Variants in RHOT1 observed in about 807,000 individuals in gnomAD.
RHOT1 encodes the protein ras homolog family member T1.
RHOT1 carries 27 observed loss-of-function variants against 95.3 expected under a neutral mutation model. The ratio of observed to expected loss-of-function variants is 0.28; its 90% CI spans 0.21 to 0.39. The LOEUF (loss-of-function observed/expected upper bound fraction) is 0.39, where lower values mean the gene tolerates loss of function less well. RHOT1 is among the 10% of genes least tolerant of loss of function. The pLI, the probability that RHOT1 is intolerant of heterozygous loss-of-function variation, is 1.00. For synonymous variants in RHOT1, 227 were observed against 263.5 expected, an observed-to-expected ratio of 0.86 and a Z score of 1.34; for missense variants, 578 against 786.7, an observed-to-expected ratio of 0.73 and a Z score of 3.17.
chr17:32,188,432 T>C (rs2036220537), intron 8 of RHOT1, among the ~76,000 whole-genome samples: 1 of 152,236 alleles, frequency 6.6e-6, no homozygotes, highest in Non-Finnish European at 1.5e-5. Flanking sequence ...TCAAATATAA[T>C]TTTATAAATA....
At chr17:32,201,166 C>T (rs775941740) in intron 14 of RHOT1, 110 bp downstream of exon 14, 2 of 598,044 alleles carry the variant, frequency 3.3e-6, no homozygotes, top group Non-Finnish European at 5.7e-6. Context: ...CTTCCATCTA[C>T]ACTCTATTAG....
At position 32,199,567 on chromosome 17, in the gene RHOT1, C is replaced by T. The variant is rs1211515900; in HGVS notation, c.1100+17C>T. ...CCAGTGGACGTGAGTATAGAGCTCA[C>T]CTCTTTCCTCTAGAGTTACAAATAG... On this transcript the variant is annotated intron_variant, in intron 13 of 19. Coordinates refer to ENST00000545287, the MANE Select transcript of RHOT1 (RefSeq NM_001033566.3). The T allele has an allele frequency of 1.3e-6, 2 of 1,568,522 alleles. No homozygotes were observed. The highest frequency in any genetic ancestry group is 1.7e-6 in the Non-Finnish European group (2 of 1,163,744).
At chr17:32,144,184 A>G (rs55958206) in intron 1 of RHOT1, among the ~76,000 whole-genome samples, 154 of 152,296 alleles carry the variant, frequency 1.0e-3, no homozygotes, top group African/African-American at 3.7e-3. Context: ...ATCCTTAAAT[A>G]TATGATGAAA....
chr17:32,200,930 A>G, intron 13 of RHOT1, 26 bp from the exon 14 acceptor site: 1 of 1,539,790 alleles, frequency 6.5e-7, no homozygotes, highest in Non-Finnish European at 9.0e-7. Flanking sequence ...GGAACTTTTC[A>G]CATTTTAAAC....
chr17:32,194,478 C>T (rs191035421), intron 11 of RHOT1, among the ~76,000 whole-genome samples: 12 of 152,200 alleles, frequency 7.9e-5, no homozygotes, highest in Admixed American at 6.5e-4. Flanking sequence ...TTACCACATC[C>T]GTAGATGTCA....
Position 32,224,742 on chromosome 17 carries a change from G to T in RHOT1, c.*9G>T, listed in dbSNP as rs1243065755. 6.5e-7 allele frequency: 1 copy of T among 1,533,754 alleles called. No individual in the cohort carries two copies. The highest frequency in any genetic ancestry group is 1.7e-5 in the Admixed American group (1 of 59,410). ...TATTGAAACAGCGATGATATAAAAA[G>T]AAATACTGTCCCTACCAAAAACAAA... On this transcript the variant is annotated 3_prime_UTR_variant, in exon 20 of 20. Transcript: ENST00000545287.
At chr17:32,191,665 T>A (rs1199734845) in intron 8 of RHOT1, among the ~76,000 whole-genome samples, 1 of 152,232 alleles carries the variant, frequency 6.6e-6, no homozygotes, top group East Asian at 1.9e-4. Context: ...ATTCTTATAC[T>A]AGGAAGTTAG....
intron 1 of RHOT1, among the ~76,000 whole-genome samples, chr17:32,154,585 T>TA (rs2032729454): frequency 1.2e-5 from 1 of 83,870 alleles, no homozygotes; most frequent in African/African-American, 5.1e-5. Context: ...AGGCTCCATC[T>TA]CAAAAAAAAA....
At chr17:32,187,217 G>T (rs746754760) in intron 8 of RHOT1, among the ~76,000 whole-genome samples, 51 of 152,112 alleles carry the variant, frequency 3.4e-4, no homozygotes, top group Non-Finnish European at 6.8e-4. Flanking sequence ...AATCTGGGAG[G>T]TGGAGGTTGC....
intron 1 of RHOT1, among the ~76,000 whole-genome samples, chr17:32,153,902 T>C (rs2032620584): frequency 1.3e-5 from 2 of 152,148 alleles, no homozygotes; most frequent in Admixed American, 1.3e-4. Context: ...TTACATAAAG[T>C]ACAGGGCTTG....
intron 1 of RHOT1, among the ~76,000 whole-genome samples, chr17:32,148,880 A>G (rs2031787009): frequency 6.6e-6 from 1 of 152,228 alleles, no homozygotes; most frequent in Admixed American, 6.5e-5. Context: ...TTGGAACTAG[A>G]TGTTCAAAAG....
intron 16 of RHOT1, among the ~76,000 whole-genome samples, chr17:32,206,641 G>C (rs933265263): frequency 6.6e-5 from 10 of 151,626 alleles, no homozygotes; most frequent in African/African-American, 2.4e-4. Flanking sequence ...TTTTAGTATA[G>C]GCAGGGTTTC....
intron 1 of RHOT1, among the ~76,000 whole-genome samples, chr17:32,149,659 G>GTGTA (rs1280182310): frequency 8.2e-4 from 108 of 131,614 alleles, no homozygotes; most frequent in Non-Finnish European, 1.3e-3. Context: ...GTGTGTGTGT[G>GTGTA]TGTATACACA....
intron 1 of RHOT1, chr17:32,150,958 T>TTGCTGCTGC: frequency 4.5e-6 from 7 of 1,547,552 alleles, no homozygotes; most frequent in Middle Eastern, 1.7e-4. Flanking sequence ...GCTTTGCTGA[T>TTGCTGCTGC]TGCTGCTGCT....
chr17:32,222,089 A>G (rs9901580), intron 19 of RHOT1, among the ~76,000 whole-genome samples: 28,044 of 152,198 alleles, frequency 0.18, 2,682 homozygotes, highest in South Asian at 0.27. Context: ...AAATAAATGT[A>G]AAAATGTAAA....
At chr17:32,190,676 GACTA>G (rs2036423504) in intron 8 of RHOT1, among the ~76,000 whole-genome samples, 1 of 152,034 alleles carries the variant, frequency 6.6e-6, no homozygotes, top group African/African-American at 2.4e-5. Flanking sequence ...AATCTTTAAT[GACTA>G]ACAGGATCAC....
intron 1 of RHOT1, among the ~76,000 whole-genome samples, chr17:32,151,908 C>G (rs2032354412): frequency 6.8e-6 from 1 of 147,146 alleles, no homozygotes; most frequent in South Asian, 2.1e-4. Flanking sequence ...AAAAGGAAAT[C>G]ACTCTTGGAT....
rs148596186 is a variant in RHOT1 at position 32,211,025 on chromosome 17, C to T, written c.1740-91C>T. On this transcript the variant is annotated intron_variant, in intron 18 of 19. Coordinates refer to ENST00000545287, the MANE Select transcript of RHOT1 (RefSeq NM_001033566.3). ...TTTCTACAAAGAGTGTTGCTTATGC[C>T]TAAGTCTTTTTTTTTTAAGTTGGCA... The T allele has an allele frequency of 3.0e-4, 393 of 1,322,494 alleles. 2 individuals carry two copies. The African/African-American group carries it at 4.8e-3, about 16-fold the overall frequency. 81.9% of individuals were successfully genotyped at this position (1,322,494 alleles called of 1,614,324 possible).
chr17:32,155,188 C>T (rs1297169938), intron 1 of RHOT1, among the ~76,000 whole-genome samples: 1 of 152,102 alleles, frequency 6.6e-6, no homozygotes, highest in African/African-American at 2.4e-5. Context: ...TGGAGTCTCG[C>T]TCTGTCGCCC....
Sources: allele counts gnomAD v4.1 joint callset (sites outside exome capture counted in the v4.1 genomes callset), GRCh38; gene constraint gnomAD v4.1.1; transcripts MANE v1.5; gene names NCBI Gene and HGNC (gene_info 2026-07-23, HGNC 2026-07-21).